The following NOS1 variants were observed in gnomAD, a reference collection of about 807,000 sequenced individuals.
The protein encoded by NOS1 is nitric oxide synthase 1, also known as NOS type I.
NOS1 carries 51 observed loss-of-function variants against 164.5 expected under a neutral mutation model. That is an observed-to-expected ratio of 0.31 (90% CI 0.25 to 0.39). The LOEUF (loss-of-function observed/expected upper bound fraction) is 0.39. Ranked by LOEUF, NOS1 falls within the 10% of genes least tolerant of loss-of-function variation. NOS1 has a pLI of 1.00. For missense variants in NOS1, 1,362 were observed against 1,885.6 expected (o/e 0.72, Z 5.14); for synonymous variants, 719 against 745.8 (o/e 0.96, Z 0.59).
intron 4 of NOS1, among the ~76,000 whole-genome samples, chr12:117,289,806 C>T (rs1324292856): frequency 6.6e-6 from 1 of 152,114 alleles, no homozygotes; most frequent in Non-Finnish European, 1.5e-5. Context: ...TTTCTTGCAG[C>T]TGCAGGCATA....
chr12:117,247,535 T>C lies in NOS1; in HGVS notation c.2649-13A>G, dbSNP rs2135960537. The stretch of plus-strand genomic sequence containing the variant: ...AAAAACTGAGAACCTGTCAAGGAGA[T>C]GACAGAATGTTCATGCTAAGGGACT... On this transcript the variant is annotated splice_polypyrimidine_tract_variant and intron_variant, in intron 17 of 28. Transcript: ENST00000317775. The C allele has an allele frequency of 6.2e-7, 1 of 1,603,306 alleles. No individual in the cohort carries two copies. Among genetic ancestry groups the C allele is most frequent in the Non-Finnish European group, 8.5e-7 (1 of 1,174,752 alleles).
chr12:117,354,874 T>C (rs1876789315), intron 1 of NOS1, among the ~76,000 whole-genome samples: 1 of 152,230 alleles, frequency 6.6e-6, no homozygotes. Context: ...AACTTCACTC[T>C]CGTTTATGAC....
chr12:117,219,724 T>C (rs1424320828), intron 27 of NOS1, among the ~76,000 whole-genome samples: 1 of 152,152 alleles, frequency 6.6e-6, no homozygotes, highest in East Asian at 1.9e-4. Context: ...TCGGATCTCT[T>C]TGTGCAGTGC....
chr12:117,356,548 TG>T lies in NOS1; in HGVS notation c.-421+4963del, dbSNP rs2136098777. ...AGCCAGACTACAGGTTTCATTAGAA[TG>T]GGGCTCACACCACCTTTATCTGGGC... On this transcript the variant is annotated intron_variant, in intron 1 of 28. Coordinates refer to ENST00000317775, the MANE Select transcript of NOS1 (RefSeq NM_000620.5). The surrounding 1 kb of genome is among the most constrained non-coding windows in gnomAD (Gnocchi z 4.2). 6.6e-6 allele frequency among the ~76,000 whole-genome samples: 1 copy of T among 152,348 alleles called. No individual in the cohort carries two copies. Among genetic ancestry groups the T allele is most frequent in the African/African-American group, 2.4e-5 (1 of 41,584 alleles).
At position 117,212,846 on chromosome 12, in the gene NOS1, G is replaced by A; in HGVS notation, c.*2463C>T. On this transcript the variant is annotated 3_prime_UTR_variant, in exon 29 of 29. Coordinates refer to ENST00000317775, the MANE Select transcript of NOS1 (RefSeq NM_000620.5). Reference sequence around the variant, plus strand: ...CTGGTCCTTGAGAGGTTACTCAACAGAGAGAGAGGCTTTTGGTATCAGGAA... The same window carrying A: ...CTGGTCCTTGAGAGGTTACTCAACAAAGAGAGAGGCTTTTGGTATCAGGAA... The A allele has an allele frequency of 1.0e-6, 1 of 985,410 alleles. No individual in the cohort carries two copies. The highest frequency in any genetic ancestry group is 4.7e-5 in the South Asian group (1 of 21,290). 61.0% of individuals were successfully genotyped at this position (985,410 alleles called of 1,614,324 possible).
At chr12:117,295,787 T>C (rs960042209) in intron 3 of NOS1, among the ~76,000 whole-genome samples, 2 of 151,418 alleles carry the variant, frequency 1.3e-5, no homozygotes, top group African/African-American at 4.9e-5. Flanking sequence ...GCCTGGCTAA[T>C]TTTTCTATTT....
At chr12:117,223,739 C>G (rs926061384) in intron 25 of NOS1, among the ~76,000 whole-genome samples, 3 of 152,142 alleles carry the variant, frequency 2.0e-5, no homozygotes, top group African/African-American at 7.2e-5. Context: ...ACTGCAACCT[C>G]TGCCTCCCGG....
chr12:117,324,505 G>A (rs896796594), intron 2 of NOS1, among the ~76,000 whole-genome samples: 2 of 152,136 alleles, frequency 1.3e-5, no homozygotes, highest in Admixed American at 1.3e-4. Flanking sequence ...TGAGGCGGGC[G>A]GATAATTTGA....
chr12:117,325,877 T>C (rs1221651246), intron 2 of NOS1, among the ~76,000 whole-genome samples: 1 of 152,242 alleles, frequency 6.6e-6, no homozygotes, highest in African/African-American at 2.4e-5. Flanking sequence ...TGAGCACTGA[T>C]ATGTTAAATT....
chr12:117,212,283 C>G lies in NOS1; in HGVS notation c.*3026G>C. 1 of 985,368 alleles carries G rather than the reference C, an allele frequency of 1.0e-6. No individual in the cohort carries two copies. Among genetic ancestry groups the G allele is most frequent in the Non-Finnish European group, 1.2e-6 (1 of 829,930 alleles). 61.0% of individuals were successfully genotyped at this position (985,368 alleles called of 1,614,324 possible). A position where few individuals can be genotyped will look rare whatever the true frequency, so the allele number is the denominator to read the frequency against. On this transcript the variant is annotated 3_prime_UTR_variant, in exon 29 of 29. Transcript: ENST00000317775. ...TGTTATACAGGTGGGTATGCAGACT[C>G]TAAAAGGTCAAGTGAGCCGCCCACA...
At chr12:117,267,132 T>A (rs1872482670) in intron 11 of NOS1, among the ~76,000 whole-genome samples, 1 of 152,204 alleles carries the variant, frequency 6.6e-6, no homozygotes, top group African/African-American at 2.4e-5. Context: ...CACGTGCATC[T>A]ACGGGGGTCT....
rs185007957 is a variant in NOS1, at chr12:117,303,671, T to G, written c.852+7795A>C. ...CTTAATTGGTATCTGAAAATAGATG[T>G]TCCATCCCCAAACAGGGCACAGTTC... On this transcript the variant is annotated intron_variant, in intron 3 of 28. Coordinates refer to ENST00000317775, the MANE Select transcript of NOS1 (RefSeq NM_000620.5). Among the ~76,000 whole-genome samples the G allele has an allele frequency of 1.0e-3, 153 of 152,278 alleles. No individual in the cohort carries two copies. In the East Asian group the frequency reaches 0.02, roughly 20 times the overall value.
intron 1 of NOS1, among the ~76,000 whole-genome samples, chr12:117,351,124 G>T (rs553617110): frequency 9.3e-4 from 141 of 151,328 alleles, no homozygotes; most frequent in Non-Finnish European, 1.5e-3. Flanking sequence ...AAAAGAAGAA[G>T]AAGAAAAAAA....
chr12:117,280,925 ACTAAACATGGCGCCACC>A, intron 7 of NOS1, 59 bp from the exon 8 acceptor site: 1 of 1,577,126 alleles, frequency 6.3e-7, no homozygotes. Flanking sequence ...GTGGGAACAT[ACTAAACATGGCGCCACC>A]CAGGGCGACA....
chr12:117,268,903 A>T (rs915202141), intron 10 of NOS1, among the ~76,000 whole-genome samples: 4 of 152,180 alleles, frequency 2.6e-5, no homozygotes, highest in South Asian at 2.1e-4. Flanking sequence ...AGCCTCAAAA[A>T]TTTTTTATTG....
At chr12:117,298,541 A>G (rs1467147137) in intron 3 of NOS1, among the ~76,000 whole-genome samples, 1 of 152,144 alleles carries the variant, frequency 6.6e-6, no homozygotes, top group South Asian at 2.1e-4. Context: ...CTGCCTCAGA[A>G]TGTGGCTTTC....
intron 20 of NOS1, among the ~76,000 whole-genome samples, chr12:117,242,242 G>T (rs1368159408): frequency 6.6e-6 from 1 of 152,052 alleles, no homozygotes; most frequent in Non-Finnish European, 1.5e-5. Flanking sequence ...AGCAGAGTGT[G>T]GGTAGCCACT....
At chr12:117,265,534 G>A (rs919182100) in intron 11 of NOS1, 24 bp from the exon 12 acceptor site, 1 of 1,461,300 alleles carries the variant, frequency 6.8e-7, no homozygotes, top group South Asian at 1.5e-5. Flanking sequence ...GGGGACAGGG[G>A]TCAGGAGGTA....
In NOS1 at chr12:117,213,939, G is replaced by T; in HGVS notation, c.*1370C>A. ...AATTACACCGGCTCCAATTCCTACC[G>T]AAGACTTGGCTGCCCATTTTTGATC... On this transcript the variant is annotated 3_prime_UTR_variant, in exon 29 of 29. Transcript: ENST00000317775. 2.0e-6 allele frequency: 2 copies of T among 985,382 alleles called. No individual in the cohort carries two copies. The highest frequency in any genetic ancestry group is 1.2e-6 in the Non-Finnish European group (1 of 829,930). 61.0% of individuals were successfully genotyped at this position (985,382 alleles called of 1,614,324 possible).
Sources: allele counts gnomAD v4.1 joint callset (sites outside exome capture counted in the v4.1 genomes callset), GRCh38; gene constraint gnomAD v4.1.1; non-coding constraint Gnocchi (gnomAD v3.1); transcripts MANE v1.5; gene names NCBI Gene and HGNC (gene_info 2026-07-23, HGNC 2026-07-21).